The following NFAT5 variants were observed in gnomAD, a reference collection of about 807,000 sequenced individuals.
NFAT5 encodes nuclear factor of activated T-cells 5.
Under a neutral mutation model 166.5 loss-of-function variants are expected in NFAT5, and 31 were observed. The ratio of observed to expected loss-of-function variants is 0.19; its 90% CI spans 0.14 to 0.25. NFAT5 has a LOEUF of 0.25. NFAT5 is among the 10% of genes least tolerant of loss of function. The pLI, the probability that NFAT5 is intolerant of heterozygous loss-of-function variation, is 1.00. For missense variants in NFAT5, 1,449 were observed against 1,821.8 expected (o/e 0.80, Z 3.72); for synonymous variants, 612 against 639.7 (o/e 0.96, Z 0.65).
rs768257838 is a variant in NFAT5 at position 69,684,918 on chromosome 16, G to A, written c.1722G>A (p.Lys574=). Residue 574 remains lysine (K), a synonymous_variant, in exon 11 of 15, where the codon AAG becomes AAA. Coordinates refer to ENST00000349945, the MANE Select transcript of NFAT5 (RefSeq NM_138713.4). ...CTGGTGCTTTGAATGTAAATGTGAAGAAGGAAATATCTAGTCCAGCAAGAC... is the reference window on the plus strand; with the variant it reads ...CTGGTGCTTTGAATGTAAATGTGAAAAAGGAAATATCTAGTCCAGCAAGAC... The part of the protein sequence containing the change: ...AAAGALNVNV[K]KEISSPARPC... 9 of 1,608,780 alleles carry A rather than the reference G, an allele frequency of 5.6e-6. No homozygotes were observed. The African/African-American group carries it at 1.2e-4, about 22-fold the overall frequency.
intron 2 of NFAT5, 29 bp from the exon 3 acceptor site, chr16:69,626,362 CTTTTAAAAATTG>C: frequency 6.5e-7 from 1 of 1,546,134 alleles, no homozygotes; most frequent in Non-Finnish European, 8.7e-7. Flanking sequence ...GACTGAATCT[CTTTTAAAAATTG>C]TTTTCTCCTC....
intron 3 of NFAT5, among the ~76,000 whole-genome samples, chr16:69,643,327 T>C (rs762099235): frequency 6.6e-6 from 1 of 152,166 alleles, no homozygotes; most frequent in Non-Finnish European, 1.5e-5. Flanking sequence ...TACAGTGGTA[T>C]TCCCAGGAGG....
At chr16:69,644,482 T>C (rs944056720) in intron 3 of NFAT5, among the ~76,000 whole-genome samples, 2 of 152,180 alleles carry the variant, frequency 1.3e-5, no homozygotes, top group African/African-American at 4.8e-5. Context: ...ATGCCCAGGA[T>C]CAATCCTGCA....
At chr16:69,633,511 T>C (rs1164994943) in intron 3 of NFAT5, among the ~76,000 whole-genome samples, 1 of 152,214 alleles carries the variant, frequency 6.6e-6, no homozygotes, top group African/African-American at 2.4e-5. Flanking sequence ...TAAAAAAGAA[T>C]GTAATCTTGT....
In NFAT5 at chr16:69,601,364, G is replaced by A. The variant is rs572407008; in HGVS notation, c.128-25039G>A. On this transcript the variant is annotated intron_variant, in intron 2 of 14. Coordinates refer to ENST00000349945, the MANE Select transcript of NFAT5 (RefSeq NM_138713.4). ...TTGTGATAGCTGCAAAGTATTACGT[G>A]GTAATTTATTTATTTATTTTTGAGA... Among the ~76,000 whole-genome samples, 12 of 152,088 alleles carry A rather than the reference G, an allele frequency of 7.9e-5. No individual in the cohort carries two copies. The South Asian group carries it at 2.3e-3, about 29-fold the overall frequency.
chr16:69,690,251 T>C (rs1296232167), intron 11 of NFAT5, among the ~76,000 whole-genome samples: 1 of 151,892 alleles, frequency 6.6e-6, no homozygotes, highest in Non-Finnish European at 1.5e-5. Context: ...TAGTAGGAGG[T>C]GGGAAATAAT....
intron 4 of NFAT5, among the ~76,000 whole-genome samples, chr16:69,652,454 A>G (rs76572695): frequency 9.7e-4 from 138 of 142,586 alleles, no homozygotes; most frequent in Middle Eastern, 7.1e-3. Flanking sequence ...TCCATCTCAG[A>G]AAAAAAAAAA....
At chr16:69,606,279 G>C (rs2033404721) in intron 2 of NFAT5, among the ~76,000 whole-genome samples, 1 of 152,062 alleles carries the variant, frequency 6.6e-6, no homozygotes, top group Non-Finnish European at 1.5e-5. Context: ...AAGAACTCAA[G>C]TGCCTATAGG....
At chr16:69,695,476 G>A in intron 14 of NFAT5, 97 bp downstream of exon 14, 1 of 823,454 alleles carries the variant, frequency 1.2e-6, no homozygotes, top group Non-Finnish European at 2.0e-6. Flanking sequence ...CTTTTAAAAT[G>A]TGGCTTTCTC....
rs148886916 is a variant in NFAT5, at chr16:69,647,204, A to G, written c.430A>G (p.Ser144Gly). 768 of 1,614,116 alleles carry G rather than the reference A, an allele frequency of 4.8e-4. 1 individual carries two copies. Among genetic ancestry groups the G allele is most frequent in the Middle Eastern group, 4.1e-3 (25 of 6,062 alleles). Residue 144 changes from serine (S) to glycine (G), a missense_variant, in exon 4 of 15, where the codon AGT becomes GGT. Around this residue, in one of 7 missense-constraint regions of NFAT5, gnomAD observed 172 missense variants for 194.5 expected, o/e 0.88. Coordinates refer to ENST00000349945, the MANE Select transcript of NFAT5 (RefSeq NM_138713.4). The surrounding 1 kb of genome is among the most constrained non-coding windows in gnomAD (Gnocchi z 4.8). The part of the protein sequence containing the change: ...NRGVSEKQLT[S>G]NTVQQHPSTP... The stretch of plus-strand genomic sequence containing the variant: ...AGGGGTAAGTGAAAAGCAGTTAACC[A>G]GTAACACAGTTCAGCAGCATCCATC...
rs1296741699 is a variant in NFAT5, at chr16:69,698,444, T to C, written c.*2093T>C. On this transcript the variant is annotated 3_prime_UTR_variant, in exon 15 of 15. Transcript: ENST00000349945. ...TTTGCCACACATTTTTGTGGTAAAT[T>C]TGTGAGTTTGTCTGATGTTCTACCA... The C allele has an allele frequency of 6.6e-6, 1 of 152,264 alleles. No individual in the cohort carries two copies. The highest frequency in any genetic ancestry group is 1.9e-4 in the East Asian group (1 of 5,192). The allele number at this position is 152,264 out of a possible 1,614,324, so 9.4% of individuals were successfully genotyped here. A position where few individuals can be genotyped will look rare whatever the true frequency, so the allele number is the denominator to read the frequency against.
At chr16:69,687,810 A>C (rs1386135801) in intron 11 of NFAT5, among the ~76,000 whole-genome samples, 1 of 152,194 alleles carries the variant, frequency 6.6e-6, no homozygotes, top group East Asian at 1.9e-4. Context: ...TTTTAGATCA[A>C]AAATACTATT....
intron 7 of NFAT5, among the ~76,000 whole-genome samples, chr16:69,661,166 G>T (rs1331192897): frequency 6.9e-6 from 1 of 143,982 alleles, no homozygotes; most frequent in African/African-American, 2.6e-5. Flanking sequence ...ACAGGAGTTT[G>T]AGACCAGCCG....
At chr16:69,695,534 C>T (rs2037733817) in intron 14 of NFAT5, 155 bp downstream of exon 14, 1 of 633,124 alleles carries the variant, frequency 1.6e-6, no homozygotes, top group Non-Finnish European at 2.7e-6. Context: ...TGAATGATAG[C>T]TTATGGTCAT....
intron 2 of NFAT5, among the ~76,000 whole-genome samples, chr16:69,587,480 C>G (rs765477143): frequency 1.1e-4 from 16 of 151,006 alleles, no homozygotes; most frequent in South Asian, 1.1e-3. Context: ...CCTCCGCCCC[C>G]CTGTGTTCAA....
At chr16:69,633,709 A>G (rs2034821347) in intron 3 of NFAT5, among the ~76,000 whole-genome samples, 1 of 152,158 alleles carries the variant, frequency 6.6e-6, no homozygotes, top group East Asian at 1.9e-4. Flanking sequence ...GATAGGGAGA[A>G]ATTTGTTGAA....
intron 2 of NFAT5, among the ~76,000 whole-genome samples, chr16:69,579,711 T>G (rs137872503): frequency 1.2e-4 from 19 of 152,342 alleles, no homozygotes; most frequent in Admixed American, 1.3e-4. Context: ...AGAAGTGCTA[T>G]TTTTAGAAAT....
intron 2 of NFAT5, among the ~76,000 whole-genome samples, chr16:69,569,193 CTT>C (rs1357103766): frequency 6.6e-6 from 1 of 151,782 alleles, no homozygotes; most frequent in Non-Finnish European, 1.5e-5. Context: ...ATAAAATAGT[CTT>C]GTGTTTTTGT....
intron 3 of NFAT5, among the ~76,000 whole-genome samples, chr16:69,633,666 A>G (rs966825722): frequency 3.3e-5 from 5 of 152,206 alleles, no homozygotes; most frequent in African/African-American, 1.2e-4. Context: ...GAGGATAGAT[A>G]ATAGAGGCTG....
Sources: gnomAD v4.1 joint callset for allele counts (sites outside exome capture counted in the v4.1 genomes callset) on GRCh38, gnomAD v4.1.1 for gene constraint, gnomAD v4.1.1 regional missense constraint, Gnocchi (gnomAD v3.1) non-coding constraint, MANE v1.5 for transcripts, NCBI Gene and HGNC (gene_info 2026-07-23, HGNC 2026-07-21) for gene names.